Variants in SASH1 observed in about 807,000 individuals in gnomAD.
SASH1 encodes SAM and SH3 domain-containing protein 1.
SASH1 carries 44 observed loss-of-function variants against 125.2 expected under a neutral mutation model. The observed-to-expected ratio is 0.35, with a 90% CI of 0.28 to 0.45. The LOEUF (loss-of-function observed/expected upper bound fraction) is 0.45, where lower values mean the gene tolerates loss of function less well. Ranked by LOEUF, SASH1 falls within the 20% of genes least tolerant of loss-of-function variation. SASH1 has a pLI of 1.00. For synonymous variants in SASH1, 639 were observed against 649.1 expected (o/e 0.98, Z 0.24); for missense variants, 1,426 against 1,614.5 (o/e 0.88, Z 2.00).
At chr6:148,386,986 C>T (rs984822066) in intron 1 of SASH1, among the ~76,000 whole-genome samples, 2 of 152,100 alleles carry the variant, frequency 1.3e-5, no homozygotes, top group African/African-American at 4.8e-5. Context: ...GCCCAGCTCC[C>T]TCTGTCCTGG....
intron 5 of SASH1, among the ~76,000 whole-genome samples, chr6:148,470,058 A>T (rs917939448): frequency 2.0e-5 from 3 of 151,970 alleles, no homozygotes; most frequent in Non-Finnish European, 4.4e-5. Flanking sequence ...AAAAGAAAGA[A>T]AAGAAAAAAG....
Position 148,343,209 on chromosome 6 carries a change from G to A in SASH1, c.142G>A (p.Val48Met). The A allele has an allele frequency of 6.3e-7, 1 of 1,592,238 alleles. No individual in the cohort carries two copies. Among genetic ancestry groups the A allele is most frequent in the Non-Finnish European group, 8.5e-7 (1 of 1,174,904 alleles). Residue 48 changes from valine to methionine, a missense_variant, in exon 1 of 20, where the codon GTG (valine) becomes ATG (methionine). Around this residue, in one of 3 missense-constraint regions of SASH1, gnomAD observed 567 missense variants for 575.6 expected, o/e 0.99. Coordinates refer to ENST00000367467, the MANE Select transcript of SASH1 (RefSeq NM_015278.5). ...GGCGTTCTCCCGACTCTGGACCGAC[G>A]TGATGGGTATCCTGGTAAGTTACCT... is the stretch of plus-strand genomic sequence containing the variant. ...SEAFSRLWTD[V>M]MGILDGSLGN...
At chr6:148,321,121 G>C (rs773200539) in intron 1 of SASH1, among the ~76,000 whole-genome samples, 1 of 152,138 alleles carries the variant, frequency 6.6e-6, no homozygotes, top group African/African-American at 2.4e-5. Flanking sequence ...GGCCAGGCGC[G>C]GTGGCTCACA....
chr6:148,280,687 A>G (rs1562303590), intron 1 of SASH1, among the ~76,000 whole-genome samples: 1 of 152,134 alleles, frequency 6.6e-6, no homozygotes, highest in Non-Finnish European at 1.5e-5. Flanking sequence ...ACATGCCTAT[A>G]GTCCCAGCTA....
rs1778920434 is a variant in SASH1 at position 148,487,330 on chromosome 6, G to A, written c.628-284G>A. Reference sequence around the variant, plus strand: ...AGGGGGAAAGTGAAAATTCTTTCTGGAACACAGGATACAAAGAGTCCATTT... The same window carrying A: ...AGGGGGAAAGTGAAAATTCTTTCTGAAACACAGGATACAAAGAGTCCATTT... On this transcript the variant is annotated intron_variant, in intron 7 of 19. Transcript: ENST00000367467. Among the ~76,000 whole-genome samples the A allele has an allele frequency of 3.3e-5, 5 of 151,960 alleles. No homozygotes were observed. In the South Asian group the frequency reaches 1.0e-3, roughly 32 times the overall value.
chr6:148,454,997 C>T (rs979096520), intron 4 of SASH1, among the ~76,000 whole-genome samples: 10 of 152,156 alleles, frequency 6.6e-5, no homozygotes, highest in Admixed American at 5.2e-4. Flanking sequence ...CTTGTTTTAT[C>T]GTATTACTCT....
At chr6:148,335,464 C>CAAAAA (rs534202487) in intron 1 of SASH1, among the ~76,000 whole-genome samples, 37 of 79,912 alleles carry the variant, frequency 4.6e-4, no homozygotes, top group East Asian at 2.5e-3. Flanking sequence ...GACTCTGTCT[C>CAAAAA]AAAAAAAAAA....
intron 1 of SASH1, among the ~76,000 whole-genome samples, chr6:148,280,070 A>G (rs1779296631): frequency 1.0e-5 from 1 of 97,074 alleles, no homozygotes; most frequent in Non-Finnish European, 1.9e-5. Flanking sequence ...CCCCCCCATC[A>G]TTCCCCCCCG....
chr6:148,372,395 C>T (rs1009090297), intron 1 of SASH1, among the ~76,000 whole-genome samples: 1 of 152,154 alleles, frequency 6.6e-6, no homozygotes, highest in Admixed American at 6.5e-5. Context: ...ATGTAATTAA[C>T]ACCTTGAACT....
chr6:148,324,537 A>G (rs7768995), intron 1 of SASH1, among the ~76,000 whole-genome samples: 76,485 of 151,906 alleles, frequency 0.5, 19,536 homozygotes, highest in Middle Eastern at 0.68. Flanking sequence ...CAGCTTGGGA[A>G]TGTTCTCAGA....
intron 8 of SASH1, among the ~76,000 whole-genome samples, chr6:148,498,517 T>C (rs1256098635): frequency 6.6e-6 from 1 of 152,218 alleles, no homozygotes. Flanking sequence ...AAAAAATTAA[T>C]TTAAGATAGA....
At chr6:148,274,780 A>G (rs753895728) in intron 1 of SASH1, among the ~76,000 whole-genome samples, 14 of 152,222 alleles carry the variant, frequency 9.2e-5, no homozygotes, top group Non-Finnish European at 1.6e-4. Flanking sequence ...GAGAAAATAA[A>G]ATCAGTGTGG....
At chr6:148,266,318 G>T in the SASH1 span, among the ~76,000 whole-genome samples, 2 of 152,066 alleles carry the variant, frequency 1.3e-5, no homozygotes, top group African/African-American at 4.8e-5. Context: ...GCTGAAATTT[G>T]GTTGACTGAA....
the SASH1 span, among the ~76,000 whole-genome samples, chr6:148,215,794 A>G: frequency 6.6e-6 from 1 of 152,062 alleles, no homozygotes; most frequent in East Asian, 1.9e-4. Context: ...CAGCACTAAA[A>G]TTTTGCTATG....
chr6:148,341,479 A>G (rs1781325123), upstream of SASH1, among the ~76,000 whole-genome samples: 1 of 152,180 alleles, frequency 6.6e-6, no homozygotes, highest in East Asian at 1.9e-4. Context: ...CCAAAAACAC[A>G]CAAAAATTAT....
chr6:148,243,305 C>A, the SASH1 span, among the ~76,000 whole-genome samples: 1 of 151,980 alleles, frequency 6.6e-6, no homozygotes, highest in Non-Finnish European at 1.5e-5. Flanking sequence ...ACAAAATTAA[C>A]TGGGTGTGGT....
chr6:148,289,654 T>A (rs1779574535), intron 1 of SASH1, among the ~76,000 whole-genome samples: 1 of 152,184 alleles, frequency 6.6e-6, no homozygotes, highest in Non-Finnish European at 1.5e-5. Context: ...GCTGTCAGAC[T>A]TGGAGAACAT....
chr6:148,196,133 T>G, the SASH1 span, among the ~76,000 whole-genome samples: 1 of 152,194 alleles, frequency 6.6e-6, no homozygotes, highest in Non-Finnish European at 1.5e-5. Context: ...CTCTCATCAT[T>G]TTTTGCTCTT....
chr6:148,510,943 C>T (rs1205661854), intron 8 of SASH1, among the ~76,000 whole-genome samples: 1 of 148,000 alleles, frequency 6.8e-6, no homozygotes, highest in Non-Finnish European at 1.5e-5. Flanking sequence ...TTGCAGTGAG[C>T]TGAGATCGCA....
Sources: allele counts gnomAD v4.1 joint callset (sites outside exome capture counted in the v4.1 genomes callset), GRCh38; gene constraint gnomAD v4.1.1; regional missense constraint gnomAD v4.1.1; transcripts MANE v1.5; gene names NCBI Gene and HGNC (gene_info 2026-07-23, HGNC 2026-07-21).